Variants in CISTR observed in about 807,000 individuals in gnomAD.
CISTR encodes the protein chondrogenic regulator lncRNA.
intron 1 of CISTR, among the ~76,000 whole-genome samples, chr12:53,755,008 A>C (rs1014560503): frequency 2.0e-5 from 3 of 152,134 alleles, no homozygotes; most frequent in African/African-American, 7.2e-5. Flanking sequence ...GGTGCGTCCA[A>C]ATAATGGACA....
intron 1 of CISTR, among the ~76,000 whole-genome samples, chr12:53,754,006 G>A (rs1383703912): frequency 1.5e-5 from 2 of 135,014 alleles, no homozygotes; most frequent in African/African-American, 5.7e-5. Flanking sequence ...GTATTTCATG[G>A]GCTAGTGAAC....
chr12:53,747,831 C>G (rs74091528), intron 2 of CISTR, among the ~76,000 whole-genome samples: 2 of 152,128 alleles, frequency 1.3e-5, no homozygotes, highest in Non-Finnish European at 2.9e-5. Context: ...CCACATCTCC[C>G]TGCACTTGTT....
intron 1 of CISTR, chr12:53,755,716 C>T (rs1309099438): frequency 3.3e-5 from 5 of 152,396 alleles, no homozygotes; most frequent in Admixed American, 3.3e-4. Context: ...GGAGGGTCCC[C>T]TCTCTACGCT....
intron 1 of CISTR, chr12:53,754,452 G>A (rs2120740855): frequency 6.6e-6 from 1 of 152,308 alleles, no homozygotes; most frequent in East Asian, 1.9e-4. Context: ...AACGGCAGGA[G>A]TTGGCATCAG....
rs562578206 is a variant in CISTR, at chr12:53,747,508, G to T, written n.1064-660C>A. 1.9e-3 allele frequency among the ~76,000 whole-genome samples: 289 copies of T among 152,272 alleles called. 2 individuals are homozygous for T. The highest frequency in any genetic ancestry group is 4.4e-4 in the Non-Finnish European group (30 of 68,022). On this transcript the variant is annotated intron_variant and non_coding_transcript_variant, in intron 2 of 2. Transcript: ENST00000669269. The stretch of plus-strand genomic sequence containing the variant: ...GAAGGGGCAGGGACACAAGGCAGAT[G>T]CTGGATAAGTCGTGGTTGGAATGAC...
chr12:53,752,113 T>C (rs1042961612), intron 1 of CISTR, among the ~76,000 whole-genome samples: 5 of 151,890 alleles, frequency 3.3e-5, no homozygotes, highest in Non-Finnish European at 4.4e-5. Flanking sequence ...CTACACCCCC[T>C]TGGGCTCCCC....
intron 2 of CISTR, among the ~76,000 whole-genome samples, chr12:53,749,265 G>A (rs1937817771): frequency 6.6e-6 from 1 of 151,224 alleles, no homozygotes; most frequent in Non-Finnish European, 1.5e-5. Context: ...GACAGAGGTG[G>A]AGAAAGAAAT....
rs919659277 is a variant in CISTR, at chr12:53,754,977, T to C, written n.414+1837A>G. On this transcript the variant is annotated intron_variant and non_coding_transcript_variant, in intron 1 of 2. Transcript: ENST00000669269. ...CTCCTGCCTTTGCACTCCTTCCCTC[T>C]CTCCAGGACTGGGTTCATAGGGTGC... 3.3e-5 allele frequency among the ~76,000 whole-genome samples: 5 copies of C among 152,114 alleles called. No homozygotes were observed. The East Asian group carries it at 9.6e-4, about 29-fold the overall frequency.
chr12:53,746,935 T>A (rs533821451), intron 2 of CISTR, among the ~76,000 whole-genome samples: 1 of 152,346 alleles, frequency 6.6e-6, no homozygotes, highest in South Asian at 2.1e-4. Context: ...TTTGGAGGCA[T>A]TCACAACCTC....
chr12:53,752,735 C>G (rs955937447), intron 1 of CISTR, among the ~76,000 whole-genome samples: 9 of 152,160 alleles, frequency 5.9e-5, no homozygotes, highest in African/African-American at 2.2e-4. Flanking sequence ...CTAACAAATG[C>G]ACTAGGCTCT....
At chr12:53,752,989 G>A (rs999985084) in intron 1 of CISTR, among the ~76,000 whole-genome samples, 5 of 151,014 alleles carry the variant, frequency 3.3e-5, no homozygotes, top group Non-Finnish European at 7.4e-5. Flanking sequence ...CAAGACTCCT[G>A]CACCAAGGCA....
intron 1 of CISTR, among the ~76,000 whole-genome samples, chr12:53,754,145 G>A (rs1437874938): frequency 6.6e-6 from 1 of 152,122 alleles, no homozygotes; most frequent in African/African-American, 2.4e-5. Flanking sequence ...GAAGGCTTGA[G>A]ACCTCTTTCC....
rs558734523 is a variant in CISTR, at chr12:53,751,675, C to T, written n.415-710G>A. 1 of 152,446 alleles carries T rather than the reference C, an allele frequency of 6.6e-6. No homozygotes were observed. The highest frequency in any genetic ancestry group is 1.9e-4 in the East Asian group (1 of 5,146). The allele number at this position is 152,446 out of a possible 1,614,324, so 9.4% of individuals were successfully genotyped here. A position where few individuals can be genotyped will look rare whatever the true frequency, so the allele number is the denominator to read the frequency against. ...GGGTGCGTGCGGGTGCGATCCGGGC[C>T]TGCAGGGTGCGGAGCGGGGGCGTCC... On this transcript the variant is annotated intron_variant and non_coding_transcript_variant, in intron 1 of 2. Transcript: ENST00000669269. This position sits in a 1 kb window ranked among gnomAD's most constrained non-coding sequence, Gnocchi z 4.6.
intron 2 of CISTR, among the ~76,000 whole-genome samples, chr12:53,747,033 A>G (rs1937790210): frequency 6.6e-6 from 1 of 152,196 alleles, no homozygotes; most frequent in Admixed American, 6.5e-5. Context: ...TGGATAGTGG[A>G]GACAAGGGGC....
intron 2 of CISTR, among the ~76,000 whole-genome samples, chr12:53,748,224 G>C (rs1020357235): frequency 2.0e-5 from 3 of 152,190 alleles, no homozygotes; most frequent in Admixed American, 6.5e-5. Context: ...CGCTGCGGAG[G>C]CTGCACCGCG....
At chr12:53,754,781 C>G (rs1937897089) in intron 1 of CISTR, among the ~76,000 whole-genome samples, 1 of 152,210 alleles carries the variant, frequency 6.6e-6, no homozygotes, top group African/African-American at 2.4e-5. Flanking sequence ...TTACTTCCCT[C>G]TGATCTTGCT....
At chr12:53,752,920 CAG>C (rs1394587970) in intron 1 of CISTR, among the ~76,000 whole-genome samples, 1 of 152,168 alleles carries the variant, frequency 6.6e-6, no homozygotes, top group African/African-American at 2.4e-5. Context: ...CTTAGGGCTG[CAG>C]AGTCATGGGA....
chr12:53,747,701 A>G (rs1485622077), intron 2 of CISTR, among the ~76,000 whole-genome samples: 1 of 152,104 alleles, frequency 6.6e-6, no homozygotes, highest in Non-Finnish European at 1.5e-5. Flanking sequence ...AACTGATAAA[A>G]TAGGAGCTGA....
At position 53,756,799 on chromosome 12, in the gene CISTR, G is replaced by C. The variant is rs909679699; in HGVS notation, n.414+15C>G. 1 of 152,604 alleles carries C rather than the reference G, an allele frequency of 6.6e-6. No homozygotes were observed. The highest frequency in any genetic ancestry group is 6.6e-5 in the Admixed American group (1 of 15,196). The allele number at this position is 152,604 out of a possible 1,614,324, so 9.5% of individuals were successfully genotyped here. A position where few individuals can be genotyped will look rare whatever the true frequency, so the allele number is the denominator to read the frequency against. ...GGAGGAAGTGGGGTAGGGAGCAGGG[G>C]ATCTGGGGAGGTACCTGGATAGCAG... On this transcript the variant is annotated intron_variant and non_coding_transcript_variant, in intron 1 of 2. Transcript: ENST00000669269. The surrounding 1 kb of genome is among the most constrained non-coding windows in gnomAD (Gnocchi z 4.0).
Sources: gnomAD v4.1 joint callset for allele counts (sites outside exome capture counted in the v4.1 genomes callset) on GRCh38, gnomAD v4.1.1 for gene constraint, Gnocchi (gnomAD v3.1) non-coding constraint, MANE v1.5 for transcripts, NCBI Gene and HGNC (gene_info 2026-07-23, HGNC 2026-07-21) for gene names.